The following ADGRE2 variants were observed in gnomAD, a reference collection of about 807,000 sequenced individuals.
ADGRE2 encodes adhesion G protein-coupled receptor E2.
A neutral mutation model predicts 100.8 loss-of-function variants in ADGRE2; 83 were observed. The observed-to-expected ratio is 0.82, with a 90% CI of 0.69 to 0.99. ADGRE2 has a LOEUF of 0.99. ADGRE2 is among the 50% of genes least tolerant of loss of function. ADGRE2 has a pLI of 0.00. For synonymous variants in ADGRE2, 355 were observed against 413.0 expected, an observed-to-expected ratio of 0.86 and a Z score of 1.70; for missense variants, 814 against 1,035.7, an observed-to-expected ratio of 0.79 and a Z score of 2.94.
chr19:14,763,528 A>G (rs942315312), intron 11 of ADGRE2, among the ~76,000 whole-genome samples: 2 of 151,706 alleles, frequency 1.3e-5, no homozygotes, highest in Non-Finnish European at 2.9e-5. Context: ...TCATATTACA[A>G]TGAAAATGCA....
intron 5 of ADGRE2, among the ~76,000 whole-genome samples, chr19:14,771,232 C>A (rs2044195932): frequency 6.6e-6 from 1 of 152,180 alleles, no homozygotes; most frequent in African/African-American, 2.4e-5. Context: ...CTCTTTACAG[C>A]AGGGCAGGTC....
chr19:14,728,663 A>C (rs935467747), downstream of ADGRE2, among the ~76,000 whole-genome samples: 1 of 152,204 alleles, frequency 6.6e-6, no homozygotes, highest in Non-Finnish European at 1.5e-5. Flanking sequence ...GGATGAAGAA[A>C]ATGGCAAAAA....
intron 11 of ADGRE2, among the ~76,000 whole-genome samples, chr19:14,760,737 TG>T (rs1294715583): frequency 6.6e-6 from 1 of 152,026 alleles, no homozygotes; most frequent in Non-Finnish European, 1.5e-5. Context: ...TGGTGGGAAG[TG>T]GGGGGTCTGA....
downstream of ADGRE2, chr19:14,731,177 A>C (rs2042668318): frequency 1.3e-6 from 2 of 1,528,956 alleles, no homozygotes; most frequent in East Asian, 2.5e-5. Flanking sequence ...CTTTTCAGCC[A>C]CCCAACTAAT....
rs779707406 is a variant in ADGRE2 at position 14,765,806 on chromosome 19, T to G, written c.635-2A>C. 84 of 1,612,326 alleles carry G rather than the reference T, an allele frequency of 5.2e-5. No homozygotes were observed. The highest frequency in any genetic ancestry group is 6.8e-5 in the Non-Finnish European group (80 of 1,178,702). ...GCCCGGAGCTGCACTCGTCCACATC[T>G]GAGGACAGGAAGAAGGGGGTCAGGT... On this transcript the variant is annotated splice_acceptor_variant, in intron 7 of 20. Coordinates refer to ENST00000315576, the MANE Select transcript of ADGRE2 (RefSeq NM_013447.4). LOFTEE classifies it high-confidence loss of function.
chr19:14,760,605 C>T (rs1182659663), intron 11 of ADGRE2, among the ~76,000 whole-genome samples: 1 of 151,952 alleles, frequency 6.6e-6, no homozygotes, highest in Non-Finnish European at 1.5e-5. Flanking sequence ...ACTATTCACA[C>T]CAGCCATCTA....
At chr19:14,759,503 A>ATTTT (rs368205522) in intron 11 of ADGRE2, among the ~76,000 whole-genome samples, 4 of 133,370 alleles carry the variant, frequency 3.0e-5, no homozygotes, top group South Asian at 2.4e-4. Flanking sequence ...ATATATATAT[A>ATTTT]TTTTTTTTTT....
intron 14 of ADGRE2, among the ~76,000 whole-genome samples, chr19:14,753,356 G>A (rs534809105): frequency 1.4e-3 from 219 of 152,226 alleles, no homozygotes; most frequent in African/African-American, 5.0e-3. Context: ...AGGTCTGGGC[G>A]GGAGGGGCTG....
chr19:14,746,374 TC>T (rs1568585138), intron 17 of ADGRE2, 51 bp from the exon 18 acceptor site: 4 of 925,462 alleles, frequency 4.3e-6, no homozygotes, highest in East Asian at 2.5e-5. Flanking sequence ...ACCTGTTATC[TC>T]TTTTTTTTTT....
At chr19:14,765,102 C>T (rs1449148488) in intron 10 of ADGRE2, among the ~76,000 whole-genome samples, 1 of 152,192 alleles carries the variant, frequency 6.6e-6, no homozygotes, top group African/African-American at 2.4e-5. Context: ...TGTGCAATAT[C>T]AATGCTGACC....
Position 14,743,697 on chromosome 19 carries a change from C to T in ADGRE2, c.2271G>A (p.Arg757=), listed in dbSNP as rs1233295833. Residue 757 remains arginine, a synonymous_variant, in exon 19 of 21, where the codon CGG becomes CGA. Transcript: ENST00000315576. ...TGATGGTGAAGAGGTAGGCCATGACCCGGGCAGCCGGACCCACCTGCAAGA... is the reference window on the plus strand; with the variant it reads ...TGATGGTGAAGAGGTAGGCCATGACTCGGGCAGCCGGACCCACCTGCAAGA... The part of the protein sequence containing the change: ...LGILQVGPAA[R]VMAYLFTIIN... The T allele has an allele frequency of 6.2e-7, 1 of 1,614,030 alleles. No homozygotes were observed. The highest frequency in any genetic ancestry group is 1.3e-5 in the African/African-American group (1 of 74,914).
intron 7 of ADGRE2, 75 bp downstream of exon 7, chr19:14,766,160 G>T (rs755694233): frequency 5.6e-6 from 9 of 1,608,228 alleles, no homozygotes; most frequent in Admixed American, 1.7e-5. Flanking sequence ...CATTCTGCTT[G>T]GTTTGTGTGG....
the ADGRE2 span, among the ~76,000 whole-genome samples, chr19:14,724,287 C>T: frequency 6.6e-6 from 1 of 152,164 alleles, no homozygotes; most frequent in Non-Finnish European, 1.5e-5. Flanking sequence ...GTGCCTGATG[C>T]CTTCAAACCT....
At chr19:14,772,522 C>T (rs368254780) in intron 4 of ADGRE2, 25 bp from the exon 5 acceptor site, 3 of 1,612,130 alleles carry the variant, frequency 1.9e-6, no homozygotes, top group Non-Finnish European at 1.7e-6. Context: ...GACAGGAGGT[C>T]ATCTCCCAAA....
In ADGRE2 at chr19:14,759,048, G is replaced by C. The variant is rs1410885821; in HGVS notation, c.1085-2703C>G. On this transcript the variant is annotated intron_variant, in intron 11 of 20. Coordinates refer to ENST00000315576, the MANE Select transcript of ADGRE2 (RefSeq NM_013447.4). ...GGCTTAAAGATTGGTCTGAACAGGT[G>C]AGCCATTTACATACAGCATGAAGAA... Among the ~76,000 whole-genome samples, 3 of 152,124 alleles carry C rather than the reference G, an allele frequency of 2.0e-5. No homozygotes were observed. In the East Asian group the frequency reaches 5.8e-4, roughly 29 times the overall value.
rs756311370 is a variant in ADGRE2 at position 14,751,461 on chromosome 19, G to T, written c.1999C>A (p.Pro667Thr). The T allele has an allele frequency of 1.2e-6, 2 of 1,613,990 alleles. No homozygotes were observed. Among genetic ancestry groups the T allele is most frequent in the South Asian group, 2.2e-5 (2 of 91,076 alleles). ...VTVAISAASRPHLYGTPSRCW... is the reference protein window; with the variant it reads ...VTVAISAASRTHLYGTPSRCW... ...CGGGAAGGTGTTCCATAAAGGTGAG[G>T]CCTGGAGGCTGCAGAAATGGCCACT... Residue 667 changes from proline to threonine, a missense_variant, in exon 16 of 21, where the codon CCT (proline) becomes ACT (threonine). Physicochemically the swap from Pro to Thr is conservative, Grantham distance 38. Transcript: ENST00000315576.
downstream of ADGRE2, among the ~76,000 whole-genome samples, chr19:14,728,592 C>G (rs77892601): frequency 4.2e-3 from 642 of 152,330 alleles, 21 homozygotes; most frequent in East Asian, 0.069. Context: ...TCTCAAACAA[C>G]AGTTACTGCA....
chr19:14,724,839 T>G, the ADGRE2 span, among the ~76,000 whole-genome samples: 2 of 152,196 alleles, frequency 1.3e-5, no homozygotes, highest in Admixed American at 6.5e-5. Context: ...CTTACACATG[T>G]GCATTAATTC....
At chr19:14,731,733 C>G (rs1184182284), downstream of ADGRE2, 1 of 152,402 alleles carries the variant, frequency 6.6e-6, no homozygotes, top group African/African-American at 2.4e-5. Flanking sequence ...CCCCTTAACT[C>G]TTGTTTATCT....
Sources: allele counts gnomAD v4.1 joint callset (sites outside exome capture counted in the v4.1 genomes callset), GRCh38; gene constraint gnomAD v4.1.1; transcripts MANE v1.5; gene names NCBI Gene and HGNC (gene_info 2026-07-23, HGNC 2026-07-21).